Variants in HMCN1 observed in about 807,000 individuals in gnomAD.
The protein encoded by HMCN1 is hemicentin 1, also known as hemicentin-1.
In HMCN1, 321 loss-of-function variants were observed where a neutral mutation model predicts 625.9. The ratio of observed to expected loss-of-function variants is 0.51; its 90% confidence interval spans 0.47 to 0.56. HMCN1 has a LOEUF of 0.56. Ranked by LOEUF, HMCN1 falls within the 20% of genes least tolerant of loss-of-function variation. HMCN1 has a pLI of 0.00. For missense variants in HMCN1, 6,588 were observed against 6,887.3 expected (o/e 0.96, Z 1.54); for synonymous variants, 2,425 against 2,417.6 (o/e 1.00, Z -0.09).
At chr1:186,048,608 T>A in intron 41 of HMCN1, 135 bp from the exon 42 acceptor site, 1 of 671,218 alleles carries the variant, frequency 1.5e-6, no homozygotes, top group Middle Eastern at 4.1e-4. Flanking sequence ...TAGCCATTTA[T>A]ATTGCTATTT....
intron 36 of HMCN1, among the ~76,000 whole-genome samples, chr1:186,027,499 T>C (rs912417132): frequency 6.6e-6 from 1 of 152,196 alleles, no homozygotes; most frequent in African/African-American, 2.4e-5. Context: ...AAATTTACTT[T>C]TTTATATTGC....
chr1:185,740,248 A>C (rs986971557), intron 1 of HMCN1, among the ~76,000 whole-genome samples: 2 of 152,180 alleles, frequency 1.3e-5, no homozygotes, highest in African/African-American at 4.8e-5. Context: ...GTTGTTTGAG[A>C]ATAGTCTGAA....
chr1:186,023,768 G>A (rs1487406046), intron 36 of HMCN1, among the ~76,000 whole-genome samples: 2 of 152,058 alleles, frequency 1.3e-5, no homozygotes, highest in Non-Finnish European at 2.9e-5. Context: ...TCATGTACAC[G>A]TTATTCATTT....
chr1:185,817,675 T>C (rs1659926640), intron 1 of HMCN1, among the ~76,000 whole-genome samples: 1 of 152,206 alleles, frequency 6.6e-6, no homozygotes, highest in African/African-American at 2.4e-5. Flanking sequence ...TTGATTGTTT[T>C]TAGCATTAAA....
At chr1:186,187,797 T>C in intron 105 of HMCN1, 86 bp from the exon 106 acceptor site, 1 of 1,559,202 alleles carries the variant, frequency 6.4e-7, no homozygotes, top group Admixed American at 1.7e-5. Context: ...GCCCTCCACA[T>C]TCTAGTCACA....
At chr1:185,763,374 A>G (rs574118828) in intron 1 of HMCN1, among the ~76,000 whole-genome samples, 7 of 152,312 alleles carry the variant, frequency 4.6e-5, no homozygotes, top group African/African-American at 1.4e-4. Context: ...ATGAGGATTT[A>G]GTTGCTGAAA....
chr1:186,077,447 T>C (rs1388048631), intron 54 of HMCN1, among the ~76,000 whole-genome samples: 1 of 152,196 alleles, frequency 6.6e-6, no homozygotes, highest in East Asian at 1.9e-4. Flanking sequence ...TTATCCTTGT[T>C]ATGAAATATG....
chr1:185,918,016 T>C (rs1289454498), intron 6 of HMCN1, among the ~76,000 whole-genome samples: 1 of 152,214 alleles, frequency 6.6e-6, no homozygotes, highest in African/African-American at 2.4e-5. Context: ...GATACCAATA[T>C]ATTATCTCTG....
intron 68 of HMCN1, among the ~76,000 whole-genome samples, chr1:186,097,831 T>A (rs1308308976): frequency 6.6e-6 from 1 of 152,152 alleles, no homozygotes; most frequent in South Asian, 2.1e-4. Context: ...CAAAACAGCA[T>A]GCTATTGGCA....
intron 15 of HMCN1, among the ~76,000 whole-genome samples, chr1:185,973,933 C>A (rs1651016160): frequency 1.3e-5 from 2 of 152,118 alleles, no homozygotes; most frequent in African/African-American, 4.8e-5. Context: ...GAAAGAAAAT[C>A]TCTGACTAAA....
At chr1:185,988,390 C>T (rs1652152249) in intron 20 of HMCN1, among the ~76,000 whole-genome samples, 1 of 152,186 alleles carries the variant, frequency 6.6e-6, no homozygotes, top group Non-Finnish European at 1.5e-5. Context: ...TAATGACATG[C>T]TAATGAAGTA....
intron 1 of HMCN1, among the ~76,000 whole-genome samples, chr1:185,766,694 C>A (rs554560132): frequency 3.9e-5 from 6 of 151,924 alleles, no homozygotes; most frequent in Admixed American, 3.9e-4. Flanking sequence ...ACAGGTGGTG[C>A]TTTTGTGTGT....
At chr1:185,876,031 T>G (rs571744852) in intron 4 of HMCN1, among the ~76,000 whole-genome samples, 1 of 152,176 alleles carries the variant, frequency 6.6e-6, no homozygotes, top group South Asian at 2.1e-4. Flanking sequence ...AGTGAACATA[T>G]ACCCAGTAGG....
At chr1:185,986,108 A>G (rs1354971119) in intron 19 of HMCN1, among the ~76,000 whole-genome samples, 5 of 152,156 alleles carry the variant, frequency 3.3e-5, no homozygotes, top group African/African-American at 1.2e-4. Flanking sequence ...CTGAAAATTA[A>G]TTTTCTTGCT....
At chr1:185,738,740 A>G (rs1653772272) in intron 1 of HMCN1, among the ~76,000 whole-genome samples, 1 of 152,220 alleles carries the variant, frequency 6.6e-6, no homozygotes, top group Non-Finnish European at 1.5e-5. Context: ...TATTATTTGA[A>G]AATTTCAAAA....
chr1:185,898,911 T>C (rs1181151921), intron 4 of HMCN1, among the ~76,000 whole-genome samples: 1 of 151,930 alleles, frequency 6.6e-6, no homozygotes, highest in African/African-American at 2.4e-5. Flanking sequence ...CAGACATTGA[T>C]GATTGCCATT....
intron 105 of HMCN1, among the ~76,000 whole-genome samples, chr1:186,182,801 GAT>G (rs1476556551): frequency 6.6e-6 from 1 of 152,182 alleles, no homozygotes; most frequent in East Asian, 1.9e-4. Flanking sequence ...AGATAAATAA[GAT>G]AGAGTCTTCC....
chr1:185,850,065 T>C (rs906276191), intron 2 of HMCN1, among the ~76,000 whole-genome samples: 1 of 152,180 alleles, frequency 6.6e-6, no homozygotes, highest in Admixed American at 6.5e-5. Flanking sequence ...TGTACCCTTA[T>C]TGCACTGAGT....
chr1:185,760,898 G>A (rs1446954415), intron 1 of HMCN1, among the ~76,000 whole-genome samples: 1 of 152,134 alleles, frequency 6.6e-6, no homozygotes, highest in Non-Finnish European at 1.5e-5. Context: ...GGAAGGTGAA[G>A]TTTTACTGTC....
Sources: allele counts gnomAD v4.1 joint callset (sites outside exome capture counted in the v4.1 genomes callset), GRCh38; gene constraint gnomAD v4.1.1; transcripts MANE v1.5; gene names NCBI Gene and HGNC (gene_info 2026-07-23, HGNC 2026-07-21).